ITGA8: variants seen among roughly 807,000 people sequenced by gnomAD.
ITGA8 encodes integrin subunit alpha 8, also known as integrin alpha-8.
A neutral mutation model predicts 142.3 loss-of-function variants in ITGA8; 91 were observed. That is an observed-to-expected ratio of 0.64 (90% CI 0.54 to 0.76). ITGA8 has a LOEUF of 0.76. Among genes scored for constraint, ITGA8 ranks in the 30% least tolerant of loss-of-function variants. The pLI is 0.00. For missense variants in ITGA8, 1,406 were observed against 1,327.7 expected (o/e 1.06, Z -0.92); for synonymous variants, 505 against 485.2 (o/e 1.04, Z -0.54).
intron 6 of ITGA8, among the ~76,000 whole-genome samples, 179 bp downstream of exon 6, chr10:15,677,413 G>A (rs1473977925): frequency 6.6e-6 from 1 of 152,056 alleles, no homozygotes; most frequent in Non-Finnish European, 1.5e-5. Context: ...ATGTACAATT[G>A]TTTTGTCAAT....
chr10:15,683,010 T>A (rs1834766719), intron 4 of ITGA8, among the ~76,000 whole-genome samples: 1 of 152,156 alleles, frequency 6.6e-6, no homozygotes, highest in African/African-American at 2.4e-5. Context: ...CCTGAAATTT[T>A]AAAAACACTC....
chr10:15,621,526 A>C (rs1833491419), intron 13 of ITGA8, among the ~76,000 whole-genome samples: 1 of 152,198 alleles, frequency 6.6e-6, no homozygotes, highest in African/African-American at 2.4e-5. Context: ...GTCTGATTTC[A>C]CTAATTTGGG....
chr10:15,668,748 G>T (rs1834448003), intron 8 of ITGA8, among the ~76,000 whole-genome samples: 1 of 152,060 alleles, frequency 6.6e-6, no homozygotes, highest in Non-Finnish European at 1.5e-5. Flanking sequence ...TTGCTTGTCT[G>T]TAAAGTATTT....
chr10:15,609,632 A>G (rs533714212), intron 15 of ITGA8, among the ~76,000 whole-genome samples: 1 of 152,360 alleles, frequency 6.6e-6, no homozygotes, highest in East Asian at 1.9e-4. Context: ...ATTATTCAAG[A>G]AAGATGAAGA....
intron 27 of ITGA8, among the ~76,000 whole-genome samples, chr10:15,535,055 G>A (rs928869053): frequency 3.3e-5 from 5 of 152,170 alleles, no homozygotes; most frequent in African/African-American, 1.2e-4. Context: ...GGTGAGTGTG[G>A]GCTATGAGGG....
intron 25 of ITGA8, among the ~76,000 whole-genome samples, chr10:15,563,130 A>G (rs1834013515): frequency 6.8e-6 from 1 of 146,624 alleles, no homozygotes; most frequent in African/African-American, 2.5e-5. Flanking sequence ...TGCTATGAGT[A>G]AAAGCTCCTT....
intron 22 of ITGA8, among the ~76,000 whole-genome samples, chr10:15,591,023 A>G (rs1038736399): frequency 2.6e-5 from 4 of 152,182 alleles, no homozygotes; most frequent in African/African-American, 7.2e-5. Context: ...GAGTTTATAT[A>G]TTTTTAAAAA....
chr10:15,538,643 TATA>T (rs926931458), intron 27 of ITGA8, among the ~76,000 whole-genome samples: 4 of 151,358 alleles, frequency 2.6e-5, no homozygotes, highest in Admixed American at 6.6e-5. Flanking sequence ...AAACTTAAAG[TATA>T]ATAATAATAA....
chr10:15,666,520 T>C (rs1196488280), intron 8 of ITGA8, among the ~76,000 whole-genome samples: 2 of 152,226 alleles, frequency 1.3e-5, no homozygotes, highest in Non-Finnish European at 2.9e-5. Context: ...TTCCTTCTCC[T>C]GCCTGATTGC....
At chr10:15,525,645 C>CAG (rs1554768790) in intron 28 of ITGA8, among the ~76,000 whole-genome samples, 1 of 63,796 alleles carries the variant, frequency 1.6e-5, no homozygotes, top group Non-Finnish European at 2.6e-5. Flanking sequence ...AACTCCATCT[C>CAG]AAAAAAAAAA....
At chr10:15,594,377 A>G (rs1832978666) in intron 21 of ITGA8, among the ~76,000 whole-genome samples, 1 of 151,758 alleles carries the variant, frequency 6.6e-6, no homozygotes, top group Non-Finnish European at 1.5e-5. Flanking sequence ...CCACCACTCA[A>G]CTTATGACAC....
intron 28 of ITGA8, among the ~76,000 whole-genome samples, chr10:15,529,435 C>T (rs1469730002): frequency 6.6e-6 from 1 of 152,138 alleles, no homozygotes; most frequent in African/African-American, 2.4e-5. Context: ...CTAATTAGAG[C>T]AAGGCAGAGC....
At chr10:15,579,502 A>G (rs1834363188) in intron 23 of ITGA8, among the ~76,000 whole-genome samples, 1 of 152,116 alleles carries the variant, frequency 6.6e-6, no homozygotes, top group South Asian at 2.1e-4. Flanking sequence ...TTTATTTTGG[A>G]ATTAAGAACC....
intron 2 of ITGA8, among the ~76,000 whole-genome samples, chr10:15,691,237 T>G (rs1432256427): frequency 6.6e-6 from 1 of 152,176 alleles, no homozygotes; most frequent in African/African-American, 2.4e-5. Flanking sequence ...AGCATACTCC[T>G]GGTGGGAATA....
At chr10:15,620,903 A>G (rs1564378136) in intron 13 of ITGA8, among the ~76,000 whole-genome samples, 1 of 152,232 alleles carries the variant, frequency 6.6e-6, no homozygotes, top group Non-Finnish European at 1.5e-5. Flanking sequence ...ATGTGAAATG[A>G]TATTTAAATA....
Position 15,652,907 on chromosome 10 carries a change from A to G in ITGA8, c.1001+2447T>C, listed in dbSNP as rs112890470. Reference sequence around the variant, plus strand: ...AGCTGGTAGACAGAGCACAGCTGATAACAGCGAAGCCTGAGCTGGTACTGC... The same window carrying G: ...AGCTGGTAGACAGAGCACAGCTGATGACAGCGAAGCCTGAGCTGGTACTGC... On this transcript the variant is annotated intron_variant, in intron 11 of 29. Transcript: ENST00000378076. Among the ~76,000 whole-genome samples the G allele has an allele frequency of 6.1e-3, 934 of 152,328 alleles. 7 individuals carry two copies. Among genetic ancestry groups the G allele is most frequent in the African/African-American group, 0.022 (901 of 41,574 alleles).
At chr10:15,642,199 T>C (rs889788819) in intron 13 of ITGA8, among the ~76,000 whole-genome samples, 11 of 152,208 alleles carry the variant, frequency 7.2e-5, no homozygotes, top group African/African-American at 2.7e-4. Context: ...TCCTTTTCCC[T>C]TCCTGCTGCT....
intron 25 of ITGA8, among the ~76,000 whole-genome samples, chr10:15,561,215 A>ATATATATATATATATATG (rs1833968412): frequency 6.8e-5 from 7 of 102,508 alleles, no homozygotes; most frequent in South Asian, 5.8e-4. Context: ...TTGGCTATAT[A>ATATATATATATATATATG]TATATATATA....
intron 25 of ITGA8, among the ~76,000 whole-genome samples, chr10:15,560,449 A>C (rs949259055): frequency 6.6e-6 from 1 of 152,208 alleles, no homozygotes; most frequent in African/African-American, 2.4e-5. Context: ...CTTATAGTAA[A>C]TTCCCTACGG....
Sources: gnomAD v4.1 joint callset for allele counts (sites outside exome capture counted in the v4.1 genomes callset) on GRCh38, gnomAD v4.1.1 for gene constraint, MANE v1.5 for transcripts, NCBI Gene and HGNC (gene_info 2026-07-23, HGNC 2026-07-21) for gene names.